VPS13D: variants seen among roughly 807,000 people sequenced by gnomAD.
VPS13D encodes the protein intermembrane lipid transfer protein VPS13D.
VPS13D carries 187 observed loss-of-function variants against 461.9 expected under a neutral mutation model. The ratio of observed to expected loss-of-function variants is 0.40; its 90% confidence interval spans 0.36 to 0.46. The LOEUF (loss-of-function observed/expected upper bound fraction) is 0.46, where lower values mean the gene tolerates loss of function less well. Ranked by LOEUF, VPS13D falls within the 20% of genes least tolerant of loss-of-function variation. VPS13D has a pLI of 0.60. For missense variants in VPS13D, 4,711 were observed against 5,364.9 expected (o/e 0.88, Z 3.81); for synonymous variants, 1,951 against 1,986.3 (o/e 0.98, Z 0.47).
intron 44 of VPS13D, among the ~76,000 whole-genome samples, chr1:12,348,431 T>C (rs1643723783): frequency 1.3e-5 from 2 of 152,246 alleles, no homozygotes; most frequent in Admixed American, 1.3e-4. Flanking sequence ...ACTCAGGGGC[T>C]TTATGAATCA....
chr1:12,405,103 T>C (rs1644634567), intron 63 of VPS13D, among the ~76,000 whole-genome samples: 1 of 152,248 alleles, frequency 6.6e-6, no homozygotes, highest in Admixed American at 6.5e-5. Context: ...GCGCTGGCGA[T>C]GCAGCGAGTG....
At chr1:12,249,167 C>T in intron 5 of VPS13D, 56 bp from the exon 6 acceptor site, 5 of 1,388,304 alleles carry the variant, frequency 3.6e-6, no homozygotes, top group African/African-American at 2.9e-5. Context: ...TTTTTCTTTT[C>T]TTTGGAACAC....
In VPS13D at chr1:12,328,203, T is replaced by G. The variant is rs143794899; in HGVS notation, c.8197+349T>G. On this transcript the variant is annotated intron_variant, in intron 36 of 69. Transcript: ENST00000620676. ...TTTAACAGATAAGCTCAGACAATAA[T>G]GGTTCTGTTGTATTATCTCTTGAAA... Among the ~76,000 whole-genome samples the G allele has an allele frequency of 7.2e-5, 11 of 152,278 alleles. No homozygotes were observed. The East Asian group carries it at 1.9e-3, about 27-fold the overall frequency.
intron 48 of VPS13D, 136 bp downstream of exon 48, chr1:12,356,226 A>G: frequency 7.2e-7 from 1 of 1,384,116 alleles, no homozygotes; most frequent in Non-Finnish European, 9.7e-7. Context: ...TCCTGCTTCC[A>G]TCATAAATGC....
intron 57 of VPS13D, among the ~76,000 whole-genome samples, chr1:12,381,972 TTCTTTCTTTCTCTC>T (rs1479691093): frequency 2.5e-4 from 35 of 140,180 alleles, no homozygotes; most frequent in African/African-American, 9.1e-4. Flanking sequence ...CTTTCTTTCT[TTCTTTCTTTCTCTC>T]TCTCTCTCTC....
At chr1:12,273,188 A>G in intron 18 of VPS13D, 53 bp downstream of exon 18, 1 of 1,556,886 alleles carries the variant, frequency 6.4e-7, no homozygotes. Context: ...TGGATGATCT[A>G]TCTATGATTA....
intron 55 of VPS13D, among the ~76,000 whole-genome samples, chr1:12,375,035 G>A (rs566541731): frequency 1.3e-5 from 2 of 152,332 alleles, no homozygotes; most frequent in East Asian, 3.9e-4. Context: ...ACCATGCCCG[G>A]CCAGTATTTA....
chr1:12,329,869 C>G lies in VPS13D; in HGVS notation c.8238C>G (p.Gly2746=), dbSNP rs1041850896. The G allele has an allele frequency of 2.5e-6, 4 of 1,614,124 alleles. No homozygotes were observed. In the Admixed American group the frequency reaches 6.7e-5, roughly 27 times the overall value. Residue 2746 remains glycine, a synonymous_variant, in exon 37 of 70, where the codon GGC becomes GGG. Coordinates refer to ENST00000620676, the MANE Select transcript of VPS13D (RefSeq NM_015378.4). ...AGCGTGTAAGAACTAGCCCTGAAGG[C>G]TATGCCCACTTCACCCTTTCTGGAG... ...FLQRVRTSPE[G]YAHFTLSGDY...
intron 13 of VPS13D, among the ~76,000 whole-genome samples, chr1:12,263,166 T>A (rs567781312): frequency 6.6e-6 from 1 of 152,148 alleles, no homozygotes; most frequent in Non-Finnish European, 1.5e-5. Flanking sequence ...GTAACGCACA[T>A]CACAGTCTTC....
At chr1:12,406,348 T>C (rs1570109741) in intron 63 of VPS13D, among the ~76,000 whole-genome samples, 1 of 152,172 alleles carries the variant, frequency 6.6e-6, no homozygotes, top group African/African-American at 2.4e-5. Flanking sequence ...TAGATGAATA[T>C]ATAATGGCTA....
rs1457531632 is a variant in VPS13D, at chr1:12,502,033, G to T, written c.12794+4402G>T. 6.6e-6 allele frequency among the ~76,000 whole-genome samples: 1 copy of T among 152,180 alleles called. No individual in the cohort carries two copies. The highest frequency in any genetic ancestry group is 1.5e-5 in the Non-Finnish European group (1 of 68,036). Reference sequence around the variant, plus strand: ...AGAAGGAGCAGAGGCTGGAAGGGTGGGTTCCCAGGCCTGTTGCTGAAGGCT... The same window carrying T: ...AGAAGGAGCAGAGGCTGGAAGGGTGTGTTCCCAGGCCTGTTGCTGAAGGCT... On this transcript the variant is annotated intron_variant, in intron 68 of 69. Transcript: ENST00000620676. The surrounding 1 kb of genome is among the most constrained non-coding windows in gnomAD (Gnocchi z 4.3).
In VPS13D at chr1:12,279,577, T is replaced by C; in HGVS notation, c.4529T>C (p.Phe1510Ser). The C allele has an allele frequency of 6.2e-7, 1 of 1,613,584 alleles. No homozygotes were observed. The change falls in exon 20 of 70, where the codon TTT (phenylalanine) becomes TCT (serine). Residue 1510 changes from phenylalanine (F) to serine (S), a missense_variant. By Grantham distance (155) the Phe-to-Ser change is radical. Coordinates refer to ENST00000620676, the MANE Select transcript of VPS13D (RefSeq NM_015378.4). This position sits in a 1 kb window ranked among gnomAD's most constrained non-coding sequence, Gnocchi z 4.3. ...ATAGAGAGAGAATCTGAATTGACTT[T>C]TTCTCTTAGCCCAGATGACCTGGGA... ...IPIERESELT[F>S]SLSPDDLGTS...
At chr1:12,497,241 C>T (rs757020548) in intron 67 of VPS13D, 5 of 252,356 alleles carry the variant, frequency 2.0e-5, no homozygotes, top group East Asian at 9.4e-5. Context: ...AGAGAGAAAA[C>T]GGAAACTGAG....
chr1:12,273,246 C>G, intron 18 of VPS13D, 111 bp downstream of exon 18: 10 of 1,334,160 alleles, frequency 7.5e-6, no homozygotes, highest in Non-Finnish European at 9.0e-6. Context: ...TTATATGTAA[C>G]ATTTTTAAAC....
intron 5 of VPS13D, among the ~76,000 whole-genome samples, chr1:12,248,325 GTTA>G (rs753982925): frequency 1.1e-3 from 163 of 150,772 alleles, no homozygotes; most frequent in African/African-American, 1.7e-3. Context: ...TTTACTTTCT[GTTA>G]TTATTATTAT....
intron 57 of VPS13D, among the ~76,000 whole-genome samples, chr1:12,382,276 A>G (rs1293668327): frequency 5.3e-5 from 8 of 151,772 alleles, no homozygotes; most frequent in Non-Finnish European, 1.2e-4. Context: ...TAATTTTTGT[A>G]TTTTTAGTAG....
chr1:12,450,860 G>T (rs1263684220), intron 65 of VPS13D, among the ~76,000 whole-genome samples: 1 of 152,196 alleles, frequency 6.6e-6, no homozygotes, highest in African/African-American at 2.4e-5. Flanking sequence ...ACGGAGTCCT[G>T]CCACTTCTCT....
intron 37 of VPS13D, among the ~76,000 whole-genome samples, chr1:12,331,616 G>T (rs765270646): frequency 5.9e-5 from 9 of 151,326 alleles, no homozygotes; most frequent in Non-Finnish European, 1.2e-4. Context: ...GGAGGCTGAG[G>T]CAGGAGAACG....
intron 2 of VPS13D, among the ~76,000 whole-genome samples, chr1:12,235,589 TAA>T (rs911865583): frequency 6.6e-6 from 1 of 150,966 alleles, no homozygotes; most frequent in Non-Finnish European, 1.5e-5. Context: ...AAATAAAAAA[TAA>T]AAAAAAAGTG....
Sources: allele counts gnomAD v4.1 joint callset (sites outside exome capture counted in the v4.1 genomes callset), GRCh38; gene constraint gnomAD v4.1.1; non-coding constraint Gnocchi (gnomAD v3.1); transcripts MANE v1.5; gene names NCBI Gene and HGNC (gene_info 2026-07-23, HGNC 2026-07-21).